Variants in CSMD1 observed in about 807,000 individuals in gnomAD.
CSMD1 encodes CUB and Sushi multiple domains 1.
In CSMD1, 213 loss-of-function variants were observed where a neutral mutation model predicts 417.5. The observed-to-expected ratio is 0.51, with a 90% CI of 0.46 to 0.57. The LOEUF (loss-of-function observed/expected upper bound fraction) is 0.57. Ranked by LOEUF, CSMD1 falls within the 20% of genes least tolerant of loss-of-function variation. The pLI, the probability that CSMD1 is intolerant of heterozygous loss-of-function variation, is 0.00. For synonymous variants in CSMD1, 2,862 were observed against 1,736.8 expected (o/e 1.65, Z -16.11); for missense variants, 6,923 against 4,529.7 (o/e 1.53, Z -15.17).
intron 5 of CSMD1, among the ~76,000 whole-genome samples, chr8:3,940,616 C>A (rs899093676): frequency 4.0e-5 from 6 of 151,580 alleles, no homozygotes; most frequent in Non-Finnish European, 7.4e-5. Context: ...CACCACAACA[C>A]TGCCAATCAA....
Position 3,629,617 on chromosome 8 carries a change from A to G in CSMD1, c.1010-12820T>C, listed in dbSNP as rs977470529. Among the ~76,000 whole-genome samples the G allele has an allele frequency of 3.3e-5, 5 of 152,222 alleles. No homozygotes were observed. The East Asian group carries it at 5.8e-4, about 18-fold the overall frequency. ...TTTAATATACCATGAGTCAATCTCTATGATTCCTATACTCAGGATTATTTT... is the reference window on the plus strand; with the variant it reads ...TTTAATATACCATGAGTCAATCTCTGTGATTCCTATACTCAGGATTATTTT... On this transcript the variant is annotated intron_variant, in intron 7 of 69. Coordinates refer to ENST00000635120, the MANE Select transcript of CSMD1 (RefSeq NM_033225.6).
chr8:4,829,441 A>T (rs1285408662), intron 1 of CSMD1, among the ~76,000 whole-genome samples: 1 of 152,194 alleles, frequency 6.6e-6, no homozygotes, highest in Non-Finnish European at 1.5e-5. Flanking sequence ...TCAACTCAGC[A>T]GTAGAAATTA....
intron 26 of CSMD1, among the ~76,000 whole-genome samples, chr8:3,265,351 A>C (rs7832525): frequency 6.6e-6 from 1 of 152,110 alleles, no homozygotes. Context: ...CACGATATTC[A>C]GCAACAGCCA....
At chr8:3,083,101 ATTTATT>A (rs1384217200) in intron 49 of CSMD1, among the ~76,000 whole-genome samples, 1 of 151,968 alleles carries the variant, frequency 6.6e-6, no homozygotes, top group African/African-American at 2.4e-5. Flanking sequence ...CTTTTCTTTT[ATTTATT>A]TTTATTTCAT....
intron 3 of CSMD1, among the ~76,000 whole-genome samples, chr8:4,401,376 G>A (rs1224425421): frequency 6.6e-6 from 1 of 152,126 alleles, no homozygotes; most frequent in Admixed American, 6.6e-5. Flanking sequence ...ATTCACCAAA[G>A]AGGTGTATCA....
intron 21 of CSMD1, among the ~76,000 whole-genome samples, chr8:3,351,191 T>C (rs540083171): frequency 6.6e-6 from 1 of 152,234 alleles, no homozygotes; most frequent in Non-Finnish European, 1.5e-5. Flanking sequence ...TGAATGTGAA[T>C]ATACATGACC....
intron 26 of CSMD1, among the ~76,000 whole-genome samples, chr8:3,271,268 T>A (rs1801832025): frequency 2.6e-5 from 4 of 152,094 alleles, no homozygotes; most frequent in African/African-American, 4.8e-5. Flanking sequence ...TCATCATTTT[T>A]TAAGGCTGCA....
intron 1 of CSMD1, among the ~76,000 whole-genome samples, chr8:4,708,183 C>G (rs1377261347): frequency 1.3e-5 from 2 of 152,078 alleles, no homozygotes; most frequent in African/African-American, 4.8e-5. Context: ...TGAATCTCCA[C>G]AAACAATCCA....
rs117164140 is a variant in CSMD1 at position 3,126,546 on chromosome 8, T to C, written c.6242-7959A>G. ...ATCCATCTGGGGTCTCAGTAGCATG[T>C]CAGCCATGAATGGTAGTCCACAGAA... On this transcript the variant is annotated intron_variant, in intron 41 of 69. Transcript: ENST00000635120. Among the ~76,000 whole-genome samples the C allele has an allele frequency of 3.3e-4, 51 of 152,292 alleles. No homozygotes were observed. In the East Asian group the frequency reaches 9.9e-3, roughly 29 times the overall value.
intron 10 of CSMD1, among the ~76,000 whole-genome samples, chr8:3,504,279 A>G (rs1796731949): frequency 6.6e-6 from 1 of 152,170 alleles, no homozygotes; most frequent in African/African-American, 2.4e-5. Flanking sequence ...GTGAACAAGT[A>G]CAATCACACT....
intron 5 of CSMD1, among the ~76,000 whole-genome samples, chr8:3,784,494 T>A (rs1252501283): frequency 6.6e-6 from 1 of 152,200 alleles, no homozygotes; most frequent in South Asian, 2.1e-4. Flanking sequence ...GATGGGCACT[T>A]ATTTTTGGAC....
At chr8:3,372,956 C>T (rs542956238) in intron 18 of CSMD1, among the ~76,000 whole-genome samples, 4 of 152,212 alleles carry the variant, frequency 2.6e-5, no homozygotes, top group South Asian at 4.2e-4. Flanking sequence ...GGTTTGGATT[C>T]GTAACTTTTC....
intron 10 of CSMD1, among the ~76,000 whole-genome samples, chr8:3,512,326 C>G (rs7818755): frequency 0.42 from 63,978 of 152,072 alleles, 13,636 homozygotes; most frequent in African/African-American, 0.47. Flanking sequence ...TGTTCTATAC[C>G]CACAGCCTCA....
intron 10 of CSMD1, among the ~76,000 whole-genome samples, chr8:3,571,947 G>C (rs925713804): frequency 6.6e-6 from 1 of 152,146 alleles, no homozygotes; most frequent in Non-Finnish European, 1.5e-5. Flanking sequence ...GCGTGTTCAA[G>C]TTCGTCTCCT....
chr8:3,177,095 A>AC (rs1298271739), intron 37 of CSMD1, among the ~76,000 whole-genome samples: 1 of 152,160 alleles, frequency 6.6e-6, no homozygotes, highest in Non-Finnish European at 1.5e-5. Context: ...CTCATTTCTA[A>AC]AGGACAAACT....
At chr8:4,856,078 C>A (rs1371347032) in intron 1 of CSMD1, among the ~76,000 whole-genome samples, 3 of 152,198 alleles carry the variant, frequency 2.0e-5, no homozygotes, top group African/African-American at 4.8e-5. Context: ...GACAGAAACC[C>A]TGCAAGCCAG....
At chr8:4,976,326 C>T (rs1188321033) in intron 1 of CSMD1, among the ~76,000 whole-genome samples, 2 of 152,078 alleles carry the variant, frequency 1.3e-5, no homozygotes, top group Admixed American at 1.3e-4. Context: ...TGCAGCTGTT[C>T]CTTCTCTCAG....
At chr8:4,581,467 G>C (rs896742022) in intron 2 of CSMD1, among the ~76,000 whole-genome samples, 5 of 152,146 alleles carry the variant, frequency 3.3e-5, no homozygotes, top group African/African-American at 1.2e-4. Flanking sequence ...TTTGAAAACT[G>C]TTTTTGAATA....
At chr8:4,384,522 T>C (rs576611766) in intron 3 of CSMD1, among the ~76,000 whole-genome samples, 58 of 152,372 alleles carry the variant, frequency 3.8e-4, no homozygotes, top group East Asian at 7.7e-4. Context: ...TGACAAATAC[T>C]TTATTCAATA....
Sources: gnomAD v4.1 joint callset for allele counts (sites outside exome capture counted in the v4.1 genomes callset) on GRCh38, gnomAD v4.1.1 for gene constraint, MANE v1.5 for transcripts, NCBI Gene and HGNC (gene_info 2026-07-23, HGNC 2026-07-21) for gene names.